Variants in TAFA2 observed in about 807,000 individuals in gnomAD.
TAFA2 encodes TAFA chemokine like family member 2.
In TAFA2, 7 loss-of-function variants were observed where a neutral mutation model predicts 18.8. The observed-to-expected ratio is 0.37, with a 90% CI of 0.21 to 0.70. The LOEUF is 0.70. Among genes scored for constraint, TAFA2 ranks in the 30% least tolerant of loss-of-function variants. The pLI is 0.53. For missense variants in TAFA2, 122 were observed against 158.1 expected (o/e 0.77, Z 1.23); for synonymous variants, 60 against 54.2 (o/e 1.11, Z -0.47).
intron 1 of TAFA2, among the ~76,000 whole-genome samples, chr12:62,082,475 A>G (rs1011408599): frequency 6.6e-6 from 1 of 152,124 alleles, no homozygotes; most frequent in South Asian, 2.1e-4. Flanking sequence ...TCCAAGGGGC[A>G]TAGCACAGTC....
At chr12:62,196,452 G>C (rs142569721), upstream of TAFA2, among the ~76,000 whole-genome samples, 116 of 152,298 alleles carry the variant, frequency 7.6e-4, 1 homozygote, top group African/African-American at 2.7e-3. Context: ...TTGATTTAAA[G>C]TGAGAGACAT....
At chr12:62,107,098 T>A (rs1224308958) in intron 1 of TAFA2, among the ~76,000 whole-genome samples, 2 of 152,178 alleles carry the variant, frequency 1.3e-5, no homozygotes, top group Non-Finnish European at 2.9e-5. Context: ...CTCCCAGTAA[T>A]GAAAGTAATT....
At chr12:62,182,173 T>C (rs1198368404) in intron 1 of TAFA2, among the ~76,000 whole-genome samples, 2 of 152,218 alleles carry the variant, frequency 1.3e-5, no homozygotes, top group Admixed American at 6.5e-5. Flanking sequence ...GTCTTAGTTA[T>C]GAAATAAACA....
intron 2 of TAFA2, among the ~76,000 whole-genome samples, chr12:61,866,174 G>A (rs989913099): frequency 6.6e-6 from 1 of 151,960 alleles, no homozygotes; most frequent in African/African-American, 2.4e-5. Flanking sequence ...ACATACTGTG[G>A]GTAGAAAACA....
chr12:61,836,430 T>C (rs948707211), intron 2 of TAFA2, among the ~76,000 whole-genome samples: 16 of 151,878 alleles, frequency 1.1e-4, no homozygotes, highest in African/African-American at 3.9e-4. Flanking sequence ...CATTATAAAC[T>C]CTATTCAAAG....
At chr12:61,834,749 A>G (rs946185941) in intron 2 of TAFA2, among the ~76,000 whole-genome samples, 2 of 152,042 alleles carry the variant, frequency 1.3e-5, no homozygotes, top group African/African-American at 2.4e-5. Flanking sequence ...CTAGAATCCT[A>G]TCAACAGTTG....
intron 1 of TAFA2, among the ~76,000 whole-genome samples, chr12:61,944,378 C>T (rs1197379559): frequency 6.9e-6 from 1 of 145,512 alleles, no homozygotes; most frequent in East Asian, 2.0e-4. Flanking sequence ...GACACCCTAA[C>T]ATCACAATTA....
chr12:61,785,193 A>G (rs1173947065), intron 2 of TAFA2, among the ~76,000 whole-genome samples: 11 of 151,442 alleles, frequency 7.3e-5, no homozygotes. Flanking sequence ...GCTTCCATAT[A>G]TGAGTGAGAA....
rs371631834 is a variant in TAFA2, at chr12:61,915,053, C to T, written c.-1-47627G>A. 6.6e-4 allele frequency among the ~76,000 whole-genome samples: 100 copies of T among 152,140 alleles called. 1 individual carries two copies. The highest frequency in any genetic ancestry group is 2.3e-3 in the African/African-American group (96 of 41,508). ...GTGGACACCTGTAATCCTAGCTACC[C>T]AGGAGGCTGAGGCAGGAGAATTGCT... is the stretch of plus-strand genomic sequence containing the variant. On this transcript the variant is annotated intron_variant, in intron 1 of 4. Transcript: ENST00000416284.
chr12:61,756,897 G>A (rs1869300189), intron 2 of TAFA2, among the ~76,000 whole-genome samples: 1 of 152,054 alleles, frequency 6.6e-6, no homozygotes, highest in Non-Finnish European at 1.5e-5. Context: ...CATGAAGTAG[G>A]GGGAAGTGTG....
At chr12:61,959,288 C>T (rs1332891903) in intron 1 of TAFA2, among the ~76,000 whole-genome samples, 1 of 151,826 alleles carries the variant, frequency 6.6e-6, no homozygotes, top group Non-Finnish European at 1.5e-5. Context: ...ATATTGCCTC[C>T]CTCATCCAAG....
chr12:61,805,622 T>C (rs1592400703), intron 2 of TAFA2, among the ~76,000 whole-genome samples: 1 of 152,094 alleles, frequency 6.6e-6, no homozygotes, highest in African/African-American at 2.4e-5. Context: ...TTGTGCAGGG[T>C]ATGTTCCTCA....
rs146994761 is a variant in TAFA2, at chr12:62,219,719, A to G, written c.-130+39044T>C. 4.6e-3 allele frequency among the ~76,000 whole-genome samples: 700 copies of G among 152,246 alleles called. 1 individual carries two copies. The highest frequency in any genetic ancestry group is 5.8e-3 in the Non-Finnish European group (394 of 67,976). ...AACCTAACTGCTTTTAATATAAATC[A>G]CTCACCCAGTACATGAAAACTGTGC... On this transcript the variant is annotated intron_variant, in intron 1 of 5. Transcript: ENST00000551619.
At chr12:62,081,068 G>A (rs1052685931) in intron 1 of TAFA2, among the ~76,000 whole-genome samples, 3 of 151,960 alleles carry the variant, frequency 2.0e-5, no homozygotes, top group African/African-American at 4.8e-5. Flanking sequence ...AGTGGGGGGC[G>A]CCTGTAGTCC....
At chr12:61,788,439 T>C (rs879940108) in intron 2 of TAFA2, among the ~76,000 whole-genome samples, 1 of 151,762 alleles carries the variant, frequency 6.6e-6, no homozygotes, top group African/African-American at 2.4e-5. Context: ...TTCTCTTGAA[T>C]ATAACATATG....
intron 2 of TAFA2, among the ~76,000 whole-genome samples, chr12:61,852,822 A>T (rs535604765): frequency 6.6e-6 from 1 of 152,358 alleles, no homozygotes; most frequent in Admixed American, 6.5e-5. Context: ...GAAGGCTTGT[A>T]GAAAGATATT....
At chr12:62,096,584 T>G (rs1428412256) in intron 1 of TAFA2, among the ~76,000 whole-genome samples, 1 of 152,184 alleles carries the variant, frequency 6.6e-6, no homozygotes, top group Non-Finnish European at 1.5e-5. Flanking sequence ...TCCCCTTTTC[T>G]AAGTATTTCC....
At chr12:61,891,650 A>G (rs576688588) in intron 1 of TAFA2, among the ~76,000 whole-genome samples, 1 of 152,304 alleles carries the variant, frequency 6.6e-6, no homozygotes, top group South Asian at 2.1e-4. Context: ...ACTCTGTCAA[A>G]AAAAGAAAAG....
intron 1 of TAFA2, among the ~76,000 whole-genome samples, chr12:62,124,496 A>C (rs1870365625): frequency 6.6e-6 from 1 of 152,192 alleles, no homozygotes; most frequent in Non-Finnish European, 1.5e-5. Context: ...TAACTTATAC[A>C]TCAAAAGGGA....
Sources: allele counts gnomAD v4.1 joint callset (sites outside exome capture counted in the v4.1 genomes callset), GRCh38; gene constraint gnomAD v4.1.1; transcripts MANE v1.5; gene names NCBI Gene and HGNC (gene_info 2026-07-23, HGNC 2026-07-21).